VSNL1: variants seen among roughly 807,000 people sequenced by gnomAD.
VSNL1 encodes visinin like 1.
In VSNL1, 6 loss-of-function variants were observed where a neutral mutation model predicts 20.4. The observed-to-expected ratio is 0.29, with a 90% confidence interval of 0.16 to 0.58. The LOEUF is 0.58. Ranked by LOEUF, VSNL1 falls within the 20% of genes least tolerant of loss-of-function variation. The probability of loss-of-function intolerance (pLI) is 0.90; values close to 1 mark genes in which losing one functional copy is unlikely to be tolerated. For missense variants in VSNL1, 100 were observed against 234.5 expected (o/e 0.43, Z 3.75); for synonymous variants, 93 against 86.4 (o/e 1.08, Z -0.42).
chr2:17,574,484 A>G (rs1664159432), intron 1 of VSNL1, among the ~76,000 whole-genome samples: 1 of 151,794 alleles, frequency 6.6e-6, no homozygotes, highest in Non-Finnish European at 1.5e-5. Context: ...TTTCTTATTC[A>G]GATTTTAGCT....
chr2:17,582,990 C>T (rs1463665094), intron 1 of VSNL1, among the ~76,000 whole-genome samples: 3 of 152,042 alleles, frequency 2.0e-5, no homozygotes, highest in Non-Finnish European at 2.9e-5. Context: ...CACCTTCATA[C>T]GAGAATTTCA....
At chr2:17,617,256 A>C (rs1558301688) in intron 2 of VSNL1, among the ~76,000 whole-genome samples, 1 of 152,148 alleles carries the variant, frequency 6.6e-6, no homozygotes, top group African/African-American at 2.4e-5. Context: ...GCACTTTGAG[A>C]GCCCAAGGTG....
chr2:17,653,992 A>T (rs2555102), intron 3 of VSNL1, among the ~76,000 whole-genome samples: 1 of 152,026 alleles, frequency 6.6e-6, no homozygotes, highest in East Asian at 1.9e-4. Flanking sequence ...GTGGCCTTAC[A>T]TGTCTGGCTT....
chr2:17,655,257 C>T lies in VSNL1; in HGVS notation c.439C>T (p.Pro147Ser). The part of the protein sequence containing the change: ...MMKMNEDGLT[P>S]EQRVDKIFSK... ...GAAAATGAATGAGGATGGCCTGACG[C>T]CTGAGCAGCGAGTAGACAAGATTTT... Residue 147 changes from proline (P) to serine (S), a missense_variant, in exon 4 of 4, where the codon CCT becomes TCT. Coordinates refer to ENST00000295156, the MANE Select transcript of VSNL1 (RefSeq NM_003385.5). This position sits in a 1 kb window ranked among gnomAD's most constrained non-coding sequence, Gnocchi z 5.2. The T allele has an allele frequency of 6.2e-7, 1 of 1,614,080 alleles. No homozygotes were observed. The highest frequency in any genetic ancestry group is 8.5e-7 in the Non-Finnish European group (1 of 1,180,026).
At chr2:17,604,528 CA>C (rs1467392698) in intron 2 of VSNL1, among the ~76,000 whole-genome samples, 1 of 152,222 alleles carries the variant, frequency 6.6e-6, no homozygotes, top group Non-Finnish European at 1.5e-5. Flanking sequence ...CCACTTTCCG[CA>C]GAGAGAAGCT....
chr2:17,563,770 G>C (rs148595437), intron 1 of VSNL1, among the ~76,000 whole-genome samples: 1 of 151,946 alleles, frequency 6.6e-6, no homozygotes, highest in Non-Finnish European at 1.5e-5. Flanking sequence ...GTTAATATTA[G>C]ATAATGATCA....
intron 2 of VSNL1, among the ~76,000 whole-genome samples, chr2:17,616,982 G>T (rs1160307729): frequency 3.9e-5 from 6 of 152,160 alleles, no homozygotes; most frequent in African/African-American, 1.4e-4. Context: ...TCCCTTGGGG[G>T]GTTGGCCGTA....
chr2:17,635,137 GTGCCAAAA>G (rs1665722679), intron 2 of VSNL1, among the ~76,000 whole-genome samples: 1 of 152,148 alleles, frequency 6.6e-6, no homozygotes, highest in East Asian at 1.9e-4. Flanking sequence ...GCAAACACAG[GTGCCAAAA>G]AGGAGGAGGA....
intron 1 of VSNL1, among the ~76,000 whole-genome samples, chr2:17,578,724 TGTCTCTTTC>T (rs1258581011): frequency 6.6e-6 from 1 of 152,210 alleles, no homozygotes; most frequent in Non-Finnish European, 1.5e-5. Flanking sequence ...GCCTTGGCAT[TGTCTCTTTC>T]AGCAAAGATA....
chr2:17,553,921 A>G (rs1663612035), intron 1 of VSNL1, among the ~76,000 whole-genome samples: 1 of 152,222 alleles, frequency 6.6e-6, no homozygotes, highest in South Asian at 2.1e-4. Context: ...AAGAGCTCTT[A>G]ATTTAAATTG....
At chr2:17,600,286 G>T (rs1335372681) in intron 2 of VSNL1, among the ~76,000 whole-genome samples, 1 of 152,186 alleles carries the variant, frequency 6.6e-6, no homozygotes, top group Non-Finnish European at 1.5e-5. Context: ...TCTGGGCCTT[G>T]CTTATTTCGT....
intron 2 of VSNL1, among the ~76,000 whole-genome samples, chr2:17,599,982 C>T (rs1664789932): frequency 6.6e-6 from 1 of 152,168 alleles, no homozygotes. Context: ...AAAGCTTCTC[C>T]CTGGGAAATC....
chr2:17,654,251 T>C (rs1306069837), intron 3 of VSNL1, among the ~76,000 whole-genome samples: 1 of 152,248 alleles, frequency 6.6e-6, no homozygotes, highest in African/African-American at 2.4e-5. Context: ...GGAAATTTCA[T>C]ATCAAGAATT....
At chr2:17,578,001 G>A (rs1428558354) in intron 1 of VSNL1, among the ~76,000 whole-genome samples, 1 of 151,988 alleles carries the variant, frequency 6.6e-6, no homozygotes, top group Non-Finnish European at 1.5e-5. Flanking sequence ...TCATAAAACG[G>A]TTGTAAAGAA....
chr2:17,592,640 C>CTT lies in VSNL1; in HGVS notation c.162+442_162+443dup, dbSNP rs55756596. On this transcript the variant is annotated intron_variant, in intron 2 of 3. Coordinates refer to ENST00000295156, the MANE Select transcript of VSNL1 (RefSeq NM_003385.5). ...AAGAGGGCTTTTTCTCTCTCTCTCT[C>CTT]TTTTTTTTTTTTTTTTTTTTTTTTT... 1.3e-4 allele frequency among the ~76,000 whole-genome samples: 9 copies of CTT among 70,852 alleles called. 1 individual carries two copies. Among genetic ancestry groups the CTT allele is most frequent in the African/African-American group, 4.4e-4 (9 of 20,346 alleles). 46.5% of individuals were successfully genotyped at this position (70,852 alleles called of 152,430 possible).
chr2:17,548,209 C>T (rs1210251410), intron 1 of VSNL1, among the ~76,000 whole-genome samples: 1 of 151,846 alleles, frequency 6.6e-6, no homozygotes, highest in Non-Finnish European at 1.5e-5. Context: ...CTCCACATTT[C>T]CCCCACCCCC....
intron 1 of VSNL1, among the ~76,000 whole-genome samples, chr2:17,589,030 A>G (rs530882951): frequency 6.6e-6 from 1 of 152,320 alleles, no homozygotes; most frequent in East Asian, 1.9e-4. Context: ...GGAAGCTTTT[A>G]CAAGGAAAGG....
At chr2:17,595,328 C>G (rs1664688078) in intron 2 of VSNL1, among the ~76,000 whole-genome samples, 1 of 152,142 alleles carries the variant, frequency 6.6e-6, no homozygotes, top group African/African-American at 2.4e-5. Flanking sequence ...TGGGACAGTC[C>G]TGCCTGCCCT....
At chr2:17,577,521 A>G (rs968378221) in intron 1 of VSNL1, among the ~76,000 whole-genome samples, 8 of 152,190 alleles carry the variant, frequency 5.3e-5, no homozygotes, top group Non-Finnish European at 8.8e-5. Flanking sequence ...ATGCTGATCT[A>G]TATGTCTATT....
Sources: allele counts gnomAD v4.1 joint callset (sites outside exome capture counted in the v4.1 genomes callset), GRCh38; gene constraint gnomAD v4.1.1; non-coding constraint Gnocchi (gnomAD v3.1); transcripts MANE v1.5; gene names NCBI Gene and HGNC (gene_info 2026-07-23, HGNC 2026-07-21).